The following EBF1 variants were observed in gnomAD, a reference collection of about 807,000 sequenced individuals.
EBF1 encodes transcription factor COE1.
Under a neutral mutation model 68.4 loss-of-function variants are expected in EBF1, and 10 were observed. That is an observed-to-expected ratio of 0.15 (90% CI 0.09 to 0.25). EBF1 has a LOEUF of 0.25. EBF1 is among the 10% of genes least tolerant of loss of function. The pLI is 1.00. For synonymous variants in EBF1, 298 were observed against 299.8 expected (o/e 0.99, Z 0.06); for missense variants, 509 against 794.4 (o/e 0.64, Z 4.32).
Position 158,697,666 on chromosome 5 carries a change from A to AAAT in EBF1, c.*1442_*1444dup, listed in dbSNP as rs1287096885. 4.9e-6 allele frequency: 1 copy of AAAT among 204,842 alleles called. No homozygotes were observed. Among genetic ancestry groups the AAAT allele is most frequent in the Admixed American group, 5.9e-5 (1 of 16,814 alleles). The allele number at this position is 204,842 out of a possible 1,614,324, so 12.7% of individuals were successfully genotyped here. On this transcript the variant is annotated 3_prime_UTR_variant, in exon 16 of 16. Transcript: ENST00000313708. ...AGGTAGTGAGCTTTTTTTCTTTGCA[A>AAAT]AATACGCAGTAAAATCTTTTTGTGA... is the stretch of plus-strand genomic sequence containing the variant.
chr5:158,718,048 T>TA (rs1761136415), intron 11 of EBF1, among the ~76,000 whole-genome samples: 1 of 152,186 alleles, frequency 6.6e-6, no homozygotes, highest in Non-Finnish European at 1.5e-5. Context: ...GTTTTACTTA[T>TA]ATTTTGGAAG....
chr5:159,079,620 T>A (rs943608690), intron 5 of EBF1, among the ~76,000 whole-genome samples: 1 of 147,888 alleles, frequency 6.8e-6, no homozygotes, highest in Non-Finnish European at 1.5e-5. Context: ...TTTTTTTTTT[T>A]TTTTGAGATG....
intron 10 of EBF1, among the ~76,000 whole-genome samples, chr5:158,737,953 G>A (rs1353389657): frequency 6.6e-6 from 1 of 152,140 alleles, no homozygotes; most frequent in African/African-American, 2.4e-5. Context: ...AAAGAATTAA[G>A]AGACTTGCTT....
chr5:158,956,893 G>A (rs569890513), intron 6 of EBF1, among the ~76,000 whole-genome samples: 6 of 151,986 alleles, frequency 3.9e-5, no homozygotes, highest in African/African-American at 1.4e-4. Context: ...GGAGTAGCTG[G>A]GACTACAGGC....
At chr5:159,001,748 A>T (rs1284658943) in intron 6 of EBF1, among the ~76,000 whole-genome samples, 1 of 152,230 alleles carries the variant, frequency 6.6e-6, no homozygotes, top group Admixed American at 6.5e-5. Context: ...CTATAGGACC[A>T]CATAGCTGTT....
chr5:158,875,724 T>C (rs993558838), intron 6 of EBF1, among the ~76,000 whole-genome samples: 1 of 152,264 alleles, frequency 6.6e-6, no homozygotes, highest in Non-Finnish European at 1.5e-5. Flanking sequence ...ACTTGTGCTA[T>C]TTGAATAAGA....
At chr5:158,724,693 G>A (rs1762630721) in intron 11 of EBF1, among the ~76,000 whole-genome samples, 1 of 152,224 alleles carries the variant, frequency 6.6e-6, no homozygotes, top group Non-Finnish European at 1.5e-5. Flanking sequence ...TGTGACTGGA[G>A]TCTGAATTTC....
At chr5:159,097,946 TAGA>T (rs1782947557) in intron 1 of EBF1, among the ~76,000 whole-genome samples, 1 of 151,752 alleles carries the variant, frequency 6.6e-6, no homozygotes, top group Non-Finnish European at 1.5e-5. Context: ...CACACACACA[TAGA>T]AGAACACACA....
intron 10 of EBF1, 140 bp downstream of exon 10, chr5:158,777,273 T>C (rs1775486246): frequency 2.0e-6 from 2 of 1,013,196 alleles, no homozygotes; most frequent in African/African-American, 3.3e-5. Flanking sequence ...TGTTTGGTCA[T>C]ACATATGGTA....
chr5:159,064,687 G>A (rs1487638146), intron 6 of EBF1, among the ~76,000 whole-genome samples: 1 of 152,098 alleles, frequency 6.6e-6, no homozygotes, highest in Non-Finnish European at 1.5e-5. Context: ...ACAGCTACAG[G>A]AAGAACAACT....
rs1158497394 is a variant in EBF1, at chr5:158,938,079, C to G, written c.555-97969G>C. On this transcript the variant is annotated intron_variant, in intron 6 of 15. Coordinates refer to ENST00000313708, the MANE Select transcript of EBF1 (RefSeq NM_024007.5). ...TTCACTCCGGCTCAAGTGCCTTGGT[C>G]TTTGCTCCTGGAATCTTGATATTTT... is the stretch of plus-strand genomic sequence containing the variant. Among the ~76,000 whole-genome samples, 5 of 152,192 alleles carry G rather than the reference C, an allele frequency of 3.3e-5. No homozygotes were observed. In the South Asian group the frequency reaches 1.0e-3, roughly 32 times the overall value.
chr5:158,985,217 T>C (rs1270072365), intron 6 of EBF1, among the ~76,000 whole-genome samples: 1 of 152,180 alleles, frequency 6.6e-6, no homozygotes, highest in Non-Finnish European at 1.5e-5. Flanking sequence ...TGGTGTAAAA[T>C]AAACACCTGG....
intron 10 of EBF1, among the ~76,000 whole-genome samples, chr5:158,757,452 C>A (rs1770373634): frequency 1.3e-5 from 2 of 152,122 alleles, no homozygotes; most frequent in Non-Finnish European, 2.9e-5. Context: ...TCTATGAGGG[C>A]AGGGATTATG....
chr5:159,029,350 T>C (rs1313238085), intron 6 of EBF1, among the ~76,000 whole-genome samples: 2 of 152,220 alleles, frequency 1.3e-5, no homozygotes, highest in Non-Finnish European at 2.9e-5. Flanking sequence ...AATTTGACAT[T>C]ATGCATTGAG....
intron 6 of EBF1, among the ~76,000 whole-genome samples, chr5:158,971,522 C>G (rs1176321567): frequency 6.6e-6 from 1 of 152,194 alleles, no homozygotes; most frequent in Non-Finnish European, 1.5e-5. Context: ...GCTTCGGTTG[C>G]AGGACACCTC....
At chr5:159,071,882 C>A (rs1156467940) in intron 6 of EBF1, among the ~76,000 whole-genome samples, 2 of 152,140 alleles carry the variant, frequency 1.3e-5, no homozygotes, top group East Asian at 3.8e-4. Flanking sequence ...GATCCGTACA[C>A]TTTCTTTTCA....
At chr5:158,956,819 C>T (rs570137887) in intron 6 of EBF1, among the ~76,000 whole-genome samples, 2 of 139,040 alleles carry the variant, frequency 1.4e-5, no homozygotes, top group South Asian at 2.3e-4. Context: ...AGTGCAGTGG[C>T]GCGATCTGGG....
intron 6 of EBF1, among the ~76,000 whole-genome samples, chr5:159,029,605 G>C (rs1415161674): frequency 6.6e-6 from 1 of 152,106 alleles, no homozygotes; most frequent in East Asian, 1.9e-4. Context: ...TGAAAAAGAA[G>C]TTCTAATAAT....
chr5:159,063,958 G>A lies in EBF1; in HGVS notation c.554+9438C>T, dbSNP rs561170284. The stretch of plus-strand genomic sequence containing the variant: ...CAGCTACTAATAAGTAGCTGTGGAG[G>A]AACTGGATCCCTTAGCCAATGCACT... On this transcript the variant is annotated intron_variant, in intron 6 of 15. Coordinates refer to ENST00000313708, the MANE Select transcript of EBF1 (RefSeq NM_024007.5). 5.1e-4 allele frequency among the ~76,000 whole-genome samples: 78 copies of A among 152,156 alleles called. 1 individual carries two copies. Among genetic ancestry groups the A allele is most frequent in the African/African-American group, 1.8e-3 (74 of 41,510 alleles).
Sources: allele counts gnomAD v4.1 joint callset (sites outside exome capture counted in the v4.1 genomes callset), GRCh38; gene constraint gnomAD v4.1.1; transcripts MANE v1.5; gene names NCBI Gene and HGNC (gene_info 2026-07-23, HGNC 2026-07-21).